ADAM19: variants seen among roughly 807,000 people sequenced by gnomAD.
ADAM19 encodes ADAM metallopeptidase domain 19.
Under a neutral mutation model 114.7 loss-of-function variants are expected in ADAM19, and 65 were observed. That is an observed-to-expected ratio of 0.57 (90% confidence interval 0.46 to 0.70). The LOEUF is 0.70. Among genes scored for constraint, ADAM19 ranks in the 30% least tolerant of loss-of-function variants. The pLI, the probability that ADAM19 is intolerant of heterozygous loss-of-function variation, is 0.00. For missense variants in ADAM19, 1,063 were observed against 1,204.7 expected (o/e 0.88, Z 1.74); for synonymous variants, 466 against 460.5 (o/e 1.01, Z -0.15).
At chr5:157,552,482 A>G (rs566094917) in intron 3 of ADAM19, among the ~76,000 whole-genome samples, 1 of 152,130 alleles carries the variant, frequency 6.6e-6, no homozygotes, top group South Asian at 2.1e-4. Flanking sequence ...GTTTGAGACC[A>G]GCCAGGGCAA....
In ADAM19 at chr5:157,564,437, G is replaced by A. The variant is rs61753548; in HGVS notation, c.187C>T (p.Leu63Phe). 4.9e-3 allele frequency: 7,857 copies of A among 1,614,160 alleles called. 36 individuals are homozygous for A. Among genetic ancestry groups the A allele is most frequent in the Non-Finnish European group, 5.3e-3 (6,309 of 1,180,006 alleles). Residue 63 changes from leucine to phenylalanine, a missense_variant, in exon 3 of 23, where the codon CTC becomes TTC. Transcript: ENST00000257527. ...GCCATTACCCTGAGCTCAGCTTTGA[G>A]TGGATGCTAAAAGCAACAACAAAAC... ...SESPVREKHPLKAELRVMAEG... is the reference protein window; with the variant it reads ...SESPVREKHPFKAELRVMAEG...
chr5:157,568,074 C>A, intron 2 of ADAM19: 1 of 152,104 alleles, frequency 6.6e-6, no homozygotes. Context: ...CTCCAGGGTT[C>A]AAGCCATTCT....
intron 3 of ADAM19, among the ~76,000 whole-genome samples, chr5:157,542,212 T>C (rs1376493108): frequency 1.3e-5 from 2 of 151,436 alleles, no homozygotes; most frequent in Non-Finnish European, 2.9e-5. Context: ...AAATACACAA[T>C]CCCCTCCCTT....
At chr5:157,515,369 CA>C (rs1440823836) in intron 7 of ADAM19, among the ~76,000 whole-genome samples, 4 of 152,164 alleles carry the variant, frequency 2.6e-5, no homozygotes, top group Non-Finnish European at 5.9e-5. Flanking sequence ...AAGAACTGCC[CA>C]ATGAGACCAC....
At chr5:157,558,425 C>G (rs1757422215) in intron 3 of ADAM19, among the ~76,000 whole-genome samples, 1 of 152,168 alleles carries the variant, frequency 6.6e-6, no homozygotes, top group Non-Finnish European at 1.5e-5. Context: ...GAATGATATC[C>G]TTTAATTTCT....
At chr5:157,537,415 A>G (rs1409569347) in intron 4 of ADAM19, among the ~76,000 whole-genome samples, 1 of 152,278 alleles carries the variant, frequency 6.6e-6, no homozygotes, top group African/African-American at 2.4e-5. Flanking sequence ...AAAATGTCCA[A>G]TATGAATATA....
chr5:157,542,770 A>C (rs186983609), intron 3 of ADAM19, among the ~76,000 whole-genome samples: 6 of 152,322 alleles, frequency 3.9e-5, no homozygotes, highest in African/African-American at 1.4e-4. Flanking sequence ...GCACCACTGC[A>C]CTCCAGCCTG....
Position 157,488,320 on chromosome 5 carries a change from C to A in ADAM19, c.2495G>T (p.Arg832Met), listed in dbSNP as rs941299600. 6.2e-7 allele frequency: 1 copy of A among 1,614,070 alleles called. No homozygotes were observed. Among genetic ancestry groups the A allele is most frequent in the African/African-American group, 1.3e-5 (1 of 74,926 alleles). ...GSQIERTESS[R>M]RPPPSRPIPP... ...AATTGGCCGGCTTGGAGGAGGCCTC[C>A]TGGACGACTCCGTCCTCTCTATTTG... The change falls in exon 21 of 23, where the codon AGG becomes ATG. Residue 832 changes from arginine (R) to methionine (M), a missense_variant. Physicochemically the swap from Arg to Met is moderately conservative, Grantham distance 91. This residue lies in a region of ADAM19 where 424 missense variants were observed against 445.5 expected (regional missense o/e 0.95). Transcript: ENST00000257527.
rs555966283 is a variant in ADAM19, at chr5:157,557,191, C to T, written c.251+7182G>A. 1.4e-4 allele frequency among the ~76,000 whole-genome samples: 22 copies of T among 152,226 alleles called. 1 individual carries two copies. In the East Asian group the frequency reaches 1.7e-3, roughly 12 times the overall value. On this transcript the variant is annotated intron_variant, in intron 3 of 22. Transcript: ENST00000257527. ...CCAAAGTGCTAGGATTACAGGCATG[C>T]GCCACTGCACCTGGCCAAGTAGTAT... is the stretch of plus-strand genomic sequence containing the variant.
At chr5:157,566,791 A>G (rs1319798882) in intron 2 of ADAM19, 1 of 151,952 alleles carries the variant, frequency 6.6e-6, no homozygotes, top group African/African-American at 2.4e-5. Flanking sequence ...GCTCAAGCAT[A>G]CTGAGTAGCT....
intron 20 of ADAM19, 48 bp from the exon 21 acceptor site, chr5:157,488,537 C>T: frequency 2.1e-6 from 3 of 1,453,016 alleles, no homozygotes; most frequent in South Asian, 1.3e-5. Flanking sequence ...TCACTCAGGG[C>T]TGGCCTTGTG....
chr5:157,537,811 C>T (rs1756805901), intron 4 of ADAM19, 102 bp downstream of exon 4: 2 of 1,022,522 alleles, frequency 2.0e-6, no homozygotes, highest in African/African-American at 1.6e-5. Flanking sequence ...GGAAACACTC[C>T]CTTCAGAGGA....
At chr5:157,499,070 G>T (rs1755464269) in intron 13 of ADAM19, among the ~76,000 whole-genome samples, 1 of 152,074 alleles carries the variant, frequency 6.6e-6, no homozygotes, top group African/African-American at 2.4e-5. Context: ...GCTGGATTCA[G>T]TCCCTTCCTG....
chr5:157,537,157 C>G (rs968133634), intron 4 of ADAM19, among the ~76,000 whole-genome samples: 2 of 152,114 alleles, frequency 1.3e-5, no homozygotes, highest in African/African-American at 4.8e-5. Flanking sequence ...TGCCAGGTGT[C>G]CCTCGGGGTC....
chr5:157,491,727 G>A lies in ADAM19; in HGVS notation c.1987-4C>T, dbSNP rs755039969. On this transcript the variant is annotated splice_polypyrimidine_tract_variant and splice_region_variant and intron_variant, in intron 17 of 22. Transcript: ENST00000257527. ...AGTTCTGGTTGTTGTTACAGACCTG[G>A]AGCAAAGAAAGGGCAGAGGCATCAG... 1.2e-6 allele frequency: 2 copies of A among 1,600,418 alleles called. No homozygotes were observed. Among genetic ancestry groups the A allele is most frequent in the South Asian group, 2.2e-5 (2 of 89,310 alleles).
intron 8 of ADAM19, among the ~76,000 whole-genome samples, chr5:157,510,581 C>T (rs1363230680): frequency 6.6e-6 from 1 of 152,246 alleles, no homozygotes; most frequent in Non-Finnish European, 1.5e-5. Context: ...CCCATTCTCA[C>T]CCTCAGCCCA....
At chr5:157,535,636 T>G (rs1756742036) in intron 4 of ADAM19, among the ~76,000 whole-genome samples, 3 of 152,342 alleles carry the variant, frequency 2.0e-5, no homozygotes, top group Admixed American at 2.0e-4. Context: ...GGGGGAGTTC[T>G]TTTCCAATCC....
chr5:157,499,699 G>T, intron 12 of ADAM19, 37 bp from the exon 13 acceptor site: 2 of 1,411,004 alleles, frequency 1.4e-6, no homozygotes, highest in Non-Finnish European at 2.0e-6. Flanking sequence ...GTGGGGGAGG[G>T]CCTTCACCAC....
At chr5:157,481,550 G>A (rs1296404829) in intron 22 of ADAM19, 2 of 1,453,262 alleles carry the variant, frequency 1.4e-6, no homozygotes, top group Non-Finnish European at 1.8e-6. Context: ...CCCAGGTCAG[G>A]TGCAGGGGCA....
Sources: allele counts gnomAD v4.1 joint callset (sites outside exome capture counted in the v4.1 genomes callset), GRCh38; gene constraint gnomAD v4.1.1; regional missense constraint gnomAD v4.1.1; transcripts MANE v1.5; gene names NCBI Gene and HGNC (gene_info 2026-07-23, HGNC 2026-07-21).